APOC1: variants seen among roughly 807,000 people sequenced by gnomAD.
The protein encoded by APOC1 is apolipoprotein C1.
In APOC1, 4 loss-of-function variants were observed where a neutral mutation model predicts 6.7. The ratio of observed to expected loss-of-function variants is 0.60; its 90% CI spans 0.29 to 1.37. The LOEUF (loss-of-function observed/expected upper bound fraction) is 1.37. Ranked by LOEUF, APOC1 falls within the 40% of genes most tolerant of loss-of-function variation. The pLI is 0.09. For synonymous variants in APOC1, 33 were observed against 40.6 expected (o/e 0.81, Z 0.72); for missense variants, 122 against 99.4 (o/e 1.23, Z -0.97).
intron 2 of APOC1, among the ~76,000 whole-genome samples, chr19:44,915,706 C>G (rs1969992266): frequency 6.6e-6 from 1 of 151,396 alleles, no homozygotes; most frequent in Non-Finnish European, 1.5e-5. Flanking sequence ...GTGGCTCATG[C>G]CTGTAATCCC....
intron 3 of APOC1, among the ~76,000 whole-genome samples, chr19:44,918,251 G>C (rs1412455599): frequency 6.7e-6 from 1 of 148,650 alleles, no homozygotes; most frequent in Non-Finnish European, 1.5e-5. Flanking sequence ...CCAGGTGACA[G>C]AGCGAAACTC....
intron 3 of APOC1, 86 bp downstream of exon 3, chr19:44,916,411 A>G (rs756618866): frequency 1.3e-6 from 2 of 1,565,148 alleles, no homozygotes; most frequent in South Asian, 2.4e-5. Context: ...ACAGATTGAA[A>G]AAAAAACAAG....
chr19:44,919,301 C>A lies in APOC1; in HGVS notation c.*71C>A, dbSNP rs541033049. On this transcript the variant is annotated 3_prime_UTR_variant, in exon 4 of 4. Transcript: ENST00000592535. ...CACCCCAGCGCCTGTGCTGAGGACT[C>A]CCTCCATGTGGCCCCAGGTGCCACC... 740 of 1,362,676 alleles carry A rather than the reference C, an allele frequency of 5.4e-4. 12 individuals carry two copies. In the South Asian group the frequency reaches 7.6e-3, roughly 14 times the overall value. The allele number at this position is 1,362,676 out of a possible 1,614,324, so 84.4% of individuals were successfully genotyped here.
chr19:44,915,170 C>T lies in APOC1; in HGVS notation c.58+221C>T, dbSNP rs754136582. ...ACTAGCAACCGATGACGTATTGAGGCCCACACCTCTGGGATTGGCTGTCCT... is the reference window on the plus strand; with the variant it reads ...ACTAGCAACCGATGACGTATTGAGGTCCACACCTCTGGGATTGGCTGTCCT... On this transcript the variant is annotated intron_variant, in intron 2 of 3. Coordinates refer to ENST00000592535, the MANE Select transcript of APOC1 (RefSeq NM_001645.5). 34 of 589,208 alleles carry T rather than the reference C, an allele frequency of 5.8e-5. No individual in the cohort carries two copies. In the South Asian group the frequency reaches 6.1e-4, roughly 11 times the overall value. 36.5% of individuals were successfully genotyped at this position (589,208 alleles called of 1,614,324 possible). A position where few individuals can be genotyped will look rare whatever the true frequency, so the allele number is the denominator to read the frequency against.
chr19:44,919,236 T>C lies in APOC1; in HGVS notation c.*6T>C. The C allele has an allele frequency of 6.2e-7, 1 of 1,613,626 alleles. No individual in the cohort carries two copies. The highest frequency in any genetic ancestry group is 8.5e-7 in the Non-Finnish European group (1 of 1,179,576). ...AACTCAAGATTGACTCATGAGGACC[T>C]GAAGGGTGACATCCCAGGAGGGGCC... On this transcript the variant is annotated 3_prime_UTR_variant, in exon 4 of 4. Transcript: ENST00000592535.
At chr19:44,915,893 C>G (rs1371061250) in intron 2 of APOC1, among the ~76,000 whole-genome samples, 1 of 151,806 alleles carries the variant, frequency 6.6e-6, no homozygotes, top group Non-Finnish European at 1.5e-5. Flanking sequence ...CACTTGAACC[C>G]GGGAGGCGGA....
rs764125385 is a variant in APOC1, at chr19:44,916,229, C to T, written c.98C>T (p.Ala33Val). 4.4e-5 allele frequency: 71 copies of T among 1,613,236 alleles called. No homozygotes were observed. The highest frequency in any genetic ancestry group is 5.9e-5 in the Non-Finnish European group (70 of 1,179,830). The change falls in exon 3 of 4, where the codon GCC becomes GTC. Residue 33 changes from alanine to valine, a missense_variant. Physicochemically the swap from Ala to Val is moderately conservative, Grantham distance 64. Transcript: ENST00000592535. ...CAGGGGACCCCAGACGTCTCCAGTG[C>T]CTTGGATAAGCTGAAGGAGTTTGGA... Reference protein sequence around the residue: ...PAQGTPDVSSALDKLKEFGNT... With the variant: ...PAQGTPDVSSVLDKLKEFGNT...
chr19:44,916,343 G>A lies in APOC1; in HGVS notation c.194+18G>A, dbSNP rs748616979. The A allele has an allele frequency of 6.2e-7, 1 of 1,612,938 alleles. No individual in the cohort carries two copies. The highest frequency in any genetic ancestry group is 1.7e-5 in the Admixed American group (1 of 59,774). On this transcript the variant is annotated intron_variant, in intron 3 of 3. Transcript: ENST00000592535. ...AAGATGCGGTTAGAACCCTTCCCAGGGCACGGGAGAGCTGGGGTGTGTTTT... is the reference window on the plus strand; with the variant it reads ...AAGATGCGGTTAGAACCCTTCCCAGAGCACGGGAGAGCTGGGGTGTGTTTT...
At chr19:44,915,134 C>T (rs564995337) in intron 2 of APOC1, 185 bp downstream of exon 2, 54 of 627,420 alleles carry the variant, frequency 8.6e-5, no homozygotes, top group Non-Finnish European at 1.3e-4. Flanking sequence ...GCCAAATCTG[C>T]GCAGGAGAGC....
Position 44,914,667 on chromosome 19 carries a change from C to G in APOC1, c.-87C>G. The G allele has an allele frequency of 1.8e-6, 1 of 566,910 alleles. No homozygotes were observed. The allele number at this position is 566,910 out of a possible 1,614,324, so 35.1% of individuals were successfully genotyped here. A position where few individuals can be genotyped will look rare whatever the true frequency, so the allele number is the denominator to read the frequency against. On this transcript the variant is annotated 5_prime_UTR_variant, in exon 1 of 4. Coordinates refer to ENST00000592535, the MANE Select transcript of APOC1 (RefSeq NM_001645.5). ...CAACATCAACCTGCCCCGCCCCCTC[C>G]CCAGCCTGATAAAGGTCCTGCGGGC...
In APOC1 at chr19:44,916,065, A is replaced by G. The variant is rs1273586488; in HGVS notation, c.59-125A>G. The stretch of plus-strand genomic sequence containing the variant: ...GGCAGGAGAACTGCTTGAACCCGGG[A>G]GGTGGTGGTTGCAGTAGGCCGAGAT... On this transcript the variant is annotated intron_variant, in intron 2 of 3. Transcript: ENST00000592535. The G allele has an allele frequency of 8.2e-6, 9 of 1,094,314 alleles. No homozygotes were observed. In the African/African-American group the frequency reaches 1.5e-4, roughly 18 times the overall value. The allele number at this position is 1,094,314 out of a possible 1,614,324, so 67.8% of individuals were successfully genotyped here.
At chr19:44,915,840 G>A (rs867857556) in intron 2 of APOC1, among the ~76,000 whole-genome samples, 9 of 152,020 alleles carry the variant, frequency 5.9e-5, no homozygotes, top group South Asian at 2.1e-4. Context: ...GTGGAGGCAC[G>A]CGCCTGTAGG....
chr19:44,918,337 C>CT (rs1200008263), intron 3 of APOC1, among the ~76,000 whole-genome samples: 259 of 90,336 alleles, frequency 2.9e-3, no homozygotes, highest in Non-Finnish European at 4.4e-3. Flanking sequence ...TGAAGTGTTT[C>CT]TTTTTTTTTT....
chr19:44,915,705 G>T (rs991364670), intron 2 of APOC1, among the ~76,000 whole-genome samples: 1 of 149,492 alleles, frequency 6.7e-6, no homozygotes, highest in Non-Finnish European at 1.5e-5. Flanking sequence ...GGTGGCTCAT[G>T]CCTGTAATCC....
chr19:44,916,197 C>A lies in APOC1; in HGVS notation c.66C>A (p.Ala22=). The stretch of plus-strand genomic sequence containing the variant: ...TGCCCATCTTCCTGGCAGGCCCAGC[C>A]CCAGCCCAGGGGACCCCAGACGTCT... The part of the protein sequence containing the change: ...VVLSIVLEGP[A]PAQGTPDVSS... Residue 22 remains alanine (A), a synonymous_variant, in exon 3 of 4, where the codon GCC becomes GCA. Coordinates refer to ENST00000592535, the MANE Select transcript of APOC1 (RefSeq NM_001645.5). 1 of 1,586,152 alleles carries A rather than the reference C, an allele frequency of 6.3e-7. No homozygotes were observed. Among genetic ancestry groups the A allele is most frequent in the Non-Finnish European group, 8.6e-7 (1 of 1,168,474 alleles).
intron 2 of APOC1, 105 bp downstream of exon 2, chr19:44,915,054 C>A: frequency 7.7e-7 from 1 of 1,303,098 alleles, no homozygotes; most frequent in Non-Finnish European, 1.1e-6. Flanking sequence ...TCCGGGGCCC[C>A]TTCTGGGTCG....
intron 2 of APOC1, chr19:44,915,257 G>T: frequency 2.7e-6 from 1 of 376,286 alleles, no homozygotes; most frequent in Non-Finnish European, 5.0e-6. Flanking sequence ...TCAGTGCTGA[G>T]TAAGGCAATT....
Position 44,914,750 on chromosome 19 carries a change from T to A in APOC1, c.-21+17T>A, listed in dbSNP as rs1051235247. 2.6e-5 allele frequency: 21 copies of A among 816,870 alleles called. No homozygotes were observed. Among genetic ancestry groups the A allele is most frequent in the Non-Finnish European group, 3.8e-5 (19 of 505,112 alleles). 50.6% of individuals were successfully genotyped at this position (816,870 alleles called of 1,614,324 possible). On this transcript the variant is annotated intron_variant, in intron 1 of 3. Coordinates refer to ENST00000592535, the MANE Select transcript of APOC1 (RefSeq NM_001645.5). ...AGGATTCAGGTTGGTGCTGAGTGCCTGGGAGGGACACCCGCCTACACTCTG... is the reference window on the plus strand; with the variant it reads ...AGGATTCAGGTTGGTGCTGAGTGCCAGGGAGGGACACCCGCCTACACTCTG...
chr19:44,914,361 C>T (rs72654449), upstream of APOC1: 1 of 148,798 alleles, frequency 6.7e-6, no homozygotes, highest in Admixed American at 6.5e-5. Context: ...TGCCCATTCC[C>T]CGAACGAATA....
Sources: gnomAD v4.1 joint callset for allele counts (sites outside exome capture counted in the v4.1 genomes callset) on GRCh38, gnomAD v4.1.1 for gene constraint, MANE v1.5 for transcripts, NCBI Gene and HGNC (gene_info 2026-07-23, HGNC 2026-07-21) for gene names.